The following BLK variants were observed in gnomAD, a reference collection of about 807,000 sequenced individuals.
The protein encoded by BLK is BLK proto-oncogene, Src family tyrosine kinase, also known as tyrosine-protein kinase Blk.
Under a neutral mutation model 61.8 loss-of-function variants are expected in BLK, and 64 were observed. That is an observed-to-expected ratio of 1.03 (90% CI 0.85 to 1.27). The LOEUF (loss-of-function observed/expected upper bound fraction) is 1.27, where lower values mean the gene tolerates loss of function less well. Among genes scored for constraint, BLK ranks in the 50% most tolerant of loss-of-function variants. BLK has a pLI of 0.00. For synonymous variants in BLK, 351 were observed against 272.0 expected, an observed-to-expected ratio of 1.29 and a Z score of -2.86; for missense variants, 853 against 660.5, an observed-to-expected ratio of 1.29 and a Z score of -3.19.
At chr8:11,494,944 T>G (rs1262092389) in intron 1 of BLK, among the ~76,000 whole-genome samples, 1 of 152,196 alleles carries the variant, frequency 6.6e-6, no homozygotes, top group Admixed American at 6.5e-5. Flanking sequence ...CTCGGCCTCT[T>G]GATAGGAGGT....
At chr8:11,552,286 C>A (rs1395508071) in intron 6 of BLK, among the ~76,000 whole-genome samples, 1 of 152,180 alleles carries the variant, frequency 6.6e-6, no homozygotes, top group Non-Finnish European at 1.5e-5. Context: ...AGGGGCAGGA[C>A]CAGGTTGGGG....
chr8:11,532,718 T>C (rs1203327649), intron 1 of BLK, among the ~76,000 whole-genome samples: 2 of 152,276 alleles, frequency 1.3e-5, no homozygotes, highest in Non-Finnish European at 2.9e-5. Flanking sequence ...TTCCTCTCAA[T>C]TAACTTTTCT....
intron 1 of BLK, among the ~76,000 whole-genome samples, chr8:11,518,512 G>A (rs1014633242): frequency 2.6e-5 from 4 of 152,052 alleles, no homozygotes; most frequent in Admixed American, 2.0e-4. Flanking sequence ...CTGTCACGCT[G>A]TTGCTGGCAT....
chr8:11,560,014 C>G (rs1163916608), intron 10 of BLK: 1 of 360,330 alleles, frequency 2.8e-6, no homozygotes, highest in Non-Finnish European at 5.4e-6. Context: ...AGAACGAGTA[C>G]TGTTAGATGC....
chr8:11,503,530 T>C (rs1240078854), intron 1 of BLK, among the ~76,000 whole-genome samples: 5 of 152,198 alleles, frequency 3.3e-5, no homozygotes, highest in African/African-American at 9.6e-5. Context: ...CCAAGCCTTA[T>C]ACAGGGTGAC....
intron 1 of BLK, among the ~76,000 whole-genome samples, chr8:11,501,222 AT>A (rs1289491237): frequency 6.6e-6 from 1 of 152,178 alleles, no homozygotes; most frequent in Non-Finnish European, 1.5e-5. Flanking sequence ...GATACTTTTA[AT>A]TTTATTTACT....
At chr8:11,525,352 G>A (rs1376536678) in intron 1 of BLK, among the ~76,000 whole-genome samples, 1 of 152,172 alleles carries the variant, frequency 6.6e-6, no homozygotes, top group East Asian at 1.9e-4. Flanking sequence ...TCAGTCCCCA[G>A]AAGTCTCACT....
intron 10 of BLK, 54 bp downstream of exon 10, chr8:11,558,092 C>A (rs1801320491): frequency 6.5e-7 from 1 of 1,548,472 alleles, no homozygotes; most frequent in South Asian, 1.1e-5. Context: ...CTGCTGCCCA[C>A]AATGGCTGCT....
chr8:11,545,893 G>C, intron 2 of BLK, 159 bp from the exon 3 acceptor site: 1 of 803,720 alleles, frequency 1.2e-6, no homozygotes, highest in South Asian at 1.4e-5. Context: ...CTGGTCCCTG[G>C]GTACAGAATG....
At chr8:11,525,590 A>T (rs1799622755) in intron 1 of BLK, among the ~76,000 whole-genome samples, 1 of 152,154 alleles carries the variant, frequency 6.6e-6, no homozygotes, top group African/African-American at 2.4e-5. Context: ...TCATTTGCTT[A>T]ACTTGATTTT....
chr8:11,536,530 A>G (rs1256089085), intron 1 of BLK, among the ~76,000 whole-genome samples: 1 of 152,076 alleles, frequency 6.6e-6, no homozygotes, highest in African/African-American at 2.4e-5. Context: ...AGCTGGGATT[A>G]CAGGCATGCG....
At chr8:11,509,739 C>G (rs1798925309) in intron 1 of BLK, 1 of 152,176 alleles carries the variant, frequency 6.6e-6, no homozygotes. Context: ...TTTCTCCTGA[C>G]TTTTAAACTG....
chr8:11,534,791 C>T (rs1233026791), intron 1 of BLK, among the ~76,000 whole-genome samples: 1 of 152,228 alleles, frequency 6.6e-6, no homozygotes, highest in Non-Finnish European at 1.5e-5. Context: ...AAGGCCCTTA[C>T]ACACCCAGCC....
intron 1 of BLK, among the ~76,000 whole-genome samples, chr8:11,504,350 A>G (rs1489056829): frequency 7.0e-6 from 1 of 142,084 alleles, no homozygotes; most frequent in East Asian, 2.0e-4. Flanking sequence ...GGAGGAAGGA[A>G]GGAAGGAAGG....
chr8:11,516,904 C>G (rs1378994083), intron 1 of BLK, among the ~76,000 whole-genome samples: 3 of 152,222 alleles, frequency 2.0e-5, no homozygotes, highest in Non-Finnish European at 4.4e-5. Flanking sequence ...AATACCTGCT[C>G]AAGTCCCTGC....
chr8:11,557,788 A>G, intron 9 of BLK, 174 bp from the exon 10 acceptor site: 1 of 621,248 alleles, frequency 1.6e-6, no homozygotes, highest in South Asian at 1.7e-5. Flanking sequence ...GGCATTTTGT[A>G]AAGTGGAAGG....
At chr8:11,533,454 G>A (rs1799975452) in intron 1 of BLK, among the ~76,000 whole-genome samples, 1 of 152,124 alleles carries the variant, frequency 6.6e-6, no homozygotes, top group African/African-American at 2.4e-5. Flanking sequence ...TTTTAAGAGA[G>A]GTTCAAGTCG....
rs763814082 is a variant in BLK, at chr8:11,556,749, G to T, written c.864G>T (p.Met288Ile). 9.9e-6 allele frequency: 16 copies of T among 1,614,236 alleles called. No homozygotes were observed. The highest frequency in any genetic ancestry group is 1.4e-5 in the Non-Finnish European group (16 of 1,180,050). Residue 288 changes from methionine to isoleucine, a missense_variant, in exon 9 of 13, where the codon ATG (methionine) becomes ATT (isoleucine). Coordinates refer to ENST00000259089, the MANE Select transcript of BLK (RefSeq NM_001715.3). The stretch of plus-strand genomic sequence containing the variant: ...CCTTTCTGGGTGAGGCCAACGTGAT[G>T]AAGGCTCTGCAGCACGAGCGGCTGG... ...PEAFLGEANV[M>I]KALQHERLVR...
intron 8 of BLK, 97 bp downstream of exon 8, chr8:11,555,581 C>T (rs1801170468): frequency 1.3e-6 from 2 of 1,565,852 alleles, no homozygotes; most frequent in Non-Finnish European, 1.7e-6. Flanking sequence ...TCATCCCTCC[C>T]CCAGAAGTCT....
Sources: allele counts gnomAD v4.1 joint callset (sites outside exome capture counted in the v4.1 genomes callset), GRCh38; gene constraint gnomAD v4.1.1; transcripts MANE v1.5; gene names NCBI Gene and HGNC (gene_info 2026-07-23, HGNC 2026-07-21).